Variants in PARD3B observed in about 807,000 individuals in gnomAD.
PARD3B encodes par-3 family cell polarity regulator beta.
In PARD3B, 103 loss-of-function variants were observed where a neutral mutation model predicts 130.2. That is an observed-to-expected ratio of 0.79 (90% CI 0.67 to 0.93). The LOEUF (loss-of-function observed/expected upper bound fraction) is 0.93. PARD3B is among the 40% of genes least tolerant of loss of function. The pLI, the probability that PARD3B is intolerant of heterozygous loss-of-function variation, is 0.00. For synonymous variants in PARD3B, 583 were observed against 553.2 expected, an observed-to-expected ratio of 1.05 and a Z score of -0.76; for missense variants, 1,609 against 1,499.2, an observed-to-expected ratio of 1.07 and a Z score of -1.21.
intron 10 of PARD3B, among the ~76,000 whole-genome samples, chr2:205,150,286 C>CTGTT (rs2033667898): frequency 6.9e-6 from 1 of 145,552 alleles, no homozygotes; most frequent in Non-Finnish European, 1.5e-5. Context: ...GTGGAAAGAG[C>CTGTT]TGTTGCCTGA....
intron 2 of PARD3B, among the ~76,000 whole-genome samples, chr2:204,950,547 A>G (rs1689684262): frequency 6.6e-6 from 1 of 152,130 alleles, no homozygotes; most frequent in African/African-American, 2.4e-5. Context: ...ATGCAGGGAA[A>G]GGAGGCTGCA....
chr2:205,304,755 G>C (rs1338542416), intron 18 of PARD3B, among the ~76,000 whole-genome samples: 2 of 151,850 alleles, frequency 1.3e-5, no homozygotes, highest in Non-Finnish European at 2.9e-5. Context: ...TGAACAACAT[G>C]GCAAAAACCC....
At chr2:204,770,483 A>T (rs1201205667) in intron 2 of PARD3B, among the ~76,000 whole-genome samples, 1 of 151,358 alleles carries the variant, frequency 6.6e-6, no homozygotes, top group Non-Finnish European at 1.5e-5. Context: ...TATTCTGTTG[A>T]TTTGGGGTGG....
intron 2 of PARD3B, among the ~76,000 whole-genome samples, chr2:204,774,459 T>C (rs1013055055): frequency 1.2e-4 from 18 of 152,064 alleles, no homozygotes; most frequent in African/African-American, 4.3e-4. Flanking sequence ...GGATATAGTG[T>C]GGGGAGGCAG....
At chr2:205,267,479 G>C (rs1163736911) in intron 16 of PARD3B, among the ~76,000 whole-genome samples, 1 of 152,156 alleles carries the variant, frequency 6.6e-6, no homozygotes, top group Non-Finnish European at 1.5e-5. Context: ...AGATCAGCGG[G>C]GCTGTATTCA....
At chr2:204,732,556 G>GT (rs1315070801) in intron 2 of PARD3B, among the ~76,000 whole-genome samples, 5 of 150,070 alleles carry the variant, frequency 3.3e-5, no homozygotes, top group African/African-American at 1.2e-4. Context: ...CCAGGCTGGA[G>GT]TGCAGTGGTG....
At chr2:205,204,950 A>G (rs1249354826) in intron 15 of PARD3B, among the ~76,000 whole-genome samples, 1 of 152,188 alleles carries the variant, frequency 6.6e-6, no homozygotes, top group Non-Finnish European at 1.5e-5. Context: ...TTGGTTCCAT[A>G]TGAAATTTAA....
rs557745393 is a variant in PARD3B at position 205,146,270 on chromosome 2, T to C, written c.1435-12452T>C. Among the ~76,000 whole-genome samples the C allele has an allele frequency of 6.6e-6, 1 of 152,346 alleles. No homozygotes were observed. Among genetic ancestry groups the C allele is most frequent in the Non-Finnish European group, 1.5e-5 (1 of 68,034 alleles). On this transcript the variant is annotated intron_variant, in intron 10 of 22. Transcript: ENST00000406610. This position sits in a 1 kb window ranked among gnomAD's most constrained non-coding sequence, Gnocchi z 4.3. ...CAAAGAATTTGTGATAGCAAAGATATTGGAAGTATCTTCCTAAGGGCCCAG... is the reference window on the plus strand; with the variant it reads ...CAAAGAATTTGTGATAGCAAAGATACTGGAAGTATCTTCCTAAGGGCCCAG...
intron 3 of PARD3B, among the ~76,000 whole-genome samples, chr2:205,038,997 C>T (rs760228831): frequency 2.6e-5 from 4 of 152,102 alleles, no homozygotes; most frequent in Non-Finnish European, 5.9e-5. Context: ...CAAACCGGGT[C>T]AGGCACTCCT....
At chr2:204,883,616 T>C (rs1214391732) in intron 2 of PARD3B, among the ~76,000 whole-genome samples, 1 of 150,562 alleles carries the variant, frequency 6.6e-6, no homozygotes, top group Non-Finnish European at 1.5e-5. Context: ...CCCAGCTAAT[T>C]TTTATTTTTA....
In PARD3B at chr2:205,463,047, A is replaced by G. The variant is rs1382707054; in HGVS notation, c.3044+22375A>G. Among the ~76,000 whole-genome samples the G allele has an allele frequency of 6.6e-6, 1 of 152,126 alleles. No homozygotes were observed. Among genetic ancestry groups the G allele is most frequent in the African/African-American group, 2.4e-5 (1 of 41,422 alleles). ...CAGAGTCCTAGTTAGAGAAAAAGTC[A>G]TCTCAGCATCAACTGACAATTATTT... On this transcript the variant is annotated intron_variant, in intron 20 of 22. Coordinates refer to ENST00000406610, the MANE Select transcript of PARD3B (RefSeq NM_001302769.2). The surrounding 1 kb of genome is among the most constrained non-coding windows in gnomAD (Gnocchi z 4.8).
At chr2:204,624,620 C>T (rs953075152) in intron 1 of PARD3B, among the ~76,000 whole-genome samples, 5 of 152,008 alleles carry the variant, frequency 3.3e-5, no homozygotes, top group Non-Finnish European at 7.4e-5. Context: ...TTTGTTTAAC[C>T]ATTCACCTAT....
At chr2:205,596,626 T>C (rs1474809301) in intron 22 of PARD3B, among the ~76,000 whole-genome samples, 1 of 152,184 alleles carries the variant, frequency 6.6e-6, no homozygotes, top group Non-Finnish European at 1.5e-5. Flanking sequence ...AGCACTTCCA[T>C]TTATTATCTG....
At chr2:205,323,687 C>T (rs957853320) in intron 18 of PARD3B, among the ~76,000 whole-genome samples, 1 of 152,156 alleles carries the variant, frequency 6.6e-6, no homozygotes, top group Non-Finnish European at 1.5e-5. Flanking sequence ...ATACAAATCT[C>T]TGTCATGGGA....
At chr2:204,696,722 A>G (rs2037627632) in intron 2 of PARD3B, among the ~76,000 whole-genome samples, 1 of 152,144 alleles carries the variant, frequency 6.6e-6, no homozygotes. Context: ...TTTCCCTGTC[A>G]TGTGAATATG....
chr2:205,138,261 A>G (rs553962095), intron 10 of PARD3B, among the ~76,000 whole-genome samples: 3 of 152,322 alleles, frequency 2.0e-5, no homozygotes, highest in East Asian at 3.9e-4. Flanking sequence ...AGTGTTGAAG[A>G]TACAGAGTAG....
At chr2:205,385,745 G>A (rs1321255182) in intron 18 of PARD3B, among the ~76,000 whole-genome samples, 2 of 152,096 alleles carry the variant, frequency 1.3e-5, no homozygotes, top group African/African-American at 2.4e-5. Context: ...GTAGCTACCA[G>A]TCAGTGAAAA....
chr2:204,854,020 A>G (rs1407363367), intron 2 of PARD3B, among the ~76,000 whole-genome samples: 1 of 152,174 alleles, frequency 6.6e-6, no homozygotes, highest in African/African-American at 2.4e-5. Flanking sequence ...ATGGAAGAGC[A>G]AGGAGTAGGG....
intron 2 of PARD3B, among the ~76,000 whole-genome samples, chr2:204,703,325 GT>G (rs1367767661): frequency 2.0e-5 from 3 of 152,158 alleles, no homozygotes; most frequent in Admixed American, 2.0e-4. Context: ...TTTATGAGAT[GT>G]TTGTCCCATG....
Sources: allele counts gnomAD v4.1 joint callset (sites outside exome capture counted in the v4.1 genomes callset), GRCh38; gene constraint gnomAD v4.1.1; non-coding constraint Gnocchi (gnomAD v3.1); transcripts MANE v1.5; gene names NCBI Gene and HGNC (gene_info 2026-07-23, HGNC 2026-07-21).